The following NFILZ variants were observed in gnomAD, a reference collection of about 807,000 sequenced individuals.
The protein encoded by NFILZ is NFIL3 like basic leucine zipper.
At position 8,679,616 on chromosome 19, in the gene NFILZ, G is replaced by A. The variant is rs1448691407; in HGVS notation, c.*1981G>A. Among the ~76,000 whole-genome samples the A allele has an allele frequency of 6.6e-6, 1 of 152,068 alleles. No individual in the cohort carries two copies. Among genetic ancestry groups the A allele is most frequent in the African/African-American group, 2.4e-5 (1 of 41,398 alleles). On this transcript the variant is annotated 3_prime_UTR_variant, in exon 6 of 6. Coordinates refer to ENST00000691075, the MANE Select transcript of NFILZ (RefSeq NM_001378600.1). ...AGGCCAAGAGCTCCCCTGTGACTGG[G>A]CATCCCTAGAATCCTGCACATCACA...
chr19:8,678,974 G>A lies in NFILZ; in HGVS notation c.*1339G>A, dbSNP rs1555751142. Among the ~76,000 whole-genome samples the A allele has an allele frequency of 6.6e-6, 1 of 152,130 alleles. No homozygotes were observed. Among genetic ancestry groups the A allele is most frequent in the Non-Finnish European group, 1.5e-5 (1 of 68,014 alleles). On this transcript the variant is annotated 3_prime_UTR_variant, in exon 6 of 6. Transcript: ENST00000691075. ...ACTGAAGGAGGAGGTAACGTCTAGG[G>A]TGTCTGAATCCCCCTTCTTGGTGTC...
At position 8,645,970 on chromosome 19, in the gene NFILZ, G is replaced by A. The variant is rs142177946; in HGVS notation, c.-164+10224G>A. Among the ~76,000 whole-genome samples, 649 of 152,300 alleles carry A rather than the reference G, an allele frequency of 4.3e-3. 26 individuals carry two copies. In the East Asian group the frequency reaches 0.096, roughly 22 times the overall value. Reference sequence around the variant, plus strand: ...AAAAGTAACTGGAAAACCACAATTAGTTTTGCACCAACCTAAATAATATGT... The same window carrying A: ...AAAAGTAACTGGAAAACCACAATTAATTTTGCACCAACCTAAATAATATGT... On this transcript the variant is annotated intron_variant, in intron 3 of 5. Transcript: ENST00000691075.
At chr19:8,656,129 C>G (rs1274607969) in intron 3 of NFILZ, among the ~76,000 whole-genome samples, 5 of 152,000 alleles carry the variant, frequency 3.3e-5, no homozygotes, top group African/African-American at 1.2e-4. Flanking sequence ...CTGCAGAACC[C>G]CATGCTGCCT....
At chr19:8,673,976 G>T (rs1568425446) in intron 3 of NFILZ, among the ~76,000 whole-genome samples, 1 of 152,160 alleles carries the variant, frequency 6.6e-6, no homozygotes, top group Non-Finnish European at 1.5e-5. Flanking sequence ...GAATAGCTGG[G>T]ACTACAGGTG....
chr19:8,635,990 C>T (rs965126860), intron 3 of NFILZ, among the ~76,000 whole-genome samples: 116 of 152,126 alleles, frequency 7.6e-4, no homozygotes, highest in Admixed American at 2.0e-3. Flanking sequence ...GTGCGCACCA[C>T]CACACCCAGC....
rs1423579683 is a variant in NFILZ, at chr19:8,680,126, G to A, written c.*2491G>A. Among the ~76,000 whole-genome samples the A allele has an allele frequency of 4.6e-5, 7 of 150,980 alleles. No homozygotes were observed. Among genetic ancestry groups the A allele is most frequent in the Non-Finnish European group, 8.8e-5 (6 of 67,862 alleles). ...CATGAAAATCACTTGAACCCAGGAG[G>A]TGGAGGCTGCAGCGAGCTGAGATTG... On this transcript the variant is annotated 3_prime_UTR_variant, in exon 6 of 6. Transcript: ENST00000691075.
rs2042996580 is a variant in NFILZ at position 8,656,348 on chromosome 19, CCTCTTCCCTGA to C, written c.-163-18202_-163-18192del. 1.2e-4 allele frequency among the ~76,000 whole-genome samples: 16 copies of C among 138,882 alleles called. 1 individual carries two copies. Among genetic ancestry groups the C allele is most frequent in the Admixed American group, 2.8e-4 (4 of 14,138 alleles). The allele number at this position is 138,882 out of a possible 152,430, so 91.1% of individuals were successfully genotyped here. A position where few individuals can be genotyped will look rare whatever the true frequency, so the allele number is the denominator to read the frequency against. ...GAAGCCCCCTTCTTCCTGAAGCCCA[CCTCTTCCCTGA>C]AGCCCACCTTCTCCCTGAAGCCCAC... is the stretch of plus-strand genomic sequence containing the variant. On this transcript the variant is annotated intron_variant, in intron 3 of 5. Coordinates refer to ENST00000691075, the MANE Select transcript of NFILZ (RefSeq NM_001378600.1).
chr19:8,658,683 TC>T (rs2043016061), intron 3 of NFILZ, among the ~76,000 whole-genome samples: 3 of 151,374 alleles, frequency 2.0e-5, no homozygotes, highest in African/African-American at 7.3e-5. Flanking sequence ...ATTCATTCAT[TC>T]ATTCATTCAT....
intron 3 of NFILZ, among the ~76,000 whole-genome samples, chr19:8,653,062 C>T (rs1183513774): frequency 0.026 from 3,133 of 118,288 alleles, 140 homozygotes; most frequent in East Asian, 0.11. Context: ...CTCTCTCTCT[C>T]TCTCTCTCTC....
At chr19:8,662,614 T>G (rs181510605) in intron 3 of NFILZ, among the ~76,000 whole-genome samples, 162 of 151,454 alleles carry the variant, frequency 1.1e-3, no homozygotes, top group African/African-American at 3.7e-3. Context: ...GGTGGAAGGA[T>G]CTTAGATGAA....
intron 3 of NFILZ, among the ~76,000 whole-genome samples, chr19:8,653,038 T>TTCTC (rs1163296485): frequency 2.2e-5 from 2 of 90,594 alleles, no homozygotes; most frequent in African/African-American, 9.4e-5. Flanking sequence ...CTTTCTTTCT[T>TTCTC]TCTCTCTCTC....
chr19:8,646,052 G>T (rs2340540), intron 3 of NFILZ, among the ~76,000 whole-genome samples: 216 of 147,572 alleles, frequency 1.5e-3, no homozygotes, highest in African/African-American at 5.2e-3. Flanking sequence ...TTTTTTTTTG[G>T]GGGGGATGGA....
intron 3 of NFILZ, among the ~76,000 whole-genome samples, chr19:8,656,827 C>T (rs564630302): frequency 1.3e-5 from 2 of 152,256 alleles, no homozygotes; most frequent in African/African-American, 4.8e-5. Context: ...CCTCATGCAC[C>T]AGGGAGGGTC....
intron 3 of NFILZ, among the ~76,000 whole-genome samples, chr19:8,652,838 CTT>C (rs782262296): frequency 1.0e-4 from 15 of 145,558 alleles, no homozygotes; most frequent in Admixed American, 4.2e-4. Context: ...CTCACTTTCT[CTT>C]TCTTTCTTTC....
intron 3 of NFILZ, among the ~76,000 whole-genome samples, chr19:8,637,282 T>C (rs1210843862): frequency 6.6e-6 from 1 of 151,852 alleles, no homozygotes; most frequent in South Asian, 2.1e-4. Context: ...GAGGCAGAGA[T>C]TGTAGTGAGC....
At chr19:8,667,683 G>T (rs990684902) in intron 3 of NFILZ, among the ~76,000 whole-genome samples, 10 of 152,066 alleles carry the variant, frequency 6.6e-5, no homozygotes, top group Non-Finnish European at 1.5e-5. Flanking sequence ...AAGTAGCTGG[G>T]ATTACAGGTG....
intron 3 of NFILZ, among the ~76,000 whole-genome samples, chr19:8,656,895 G>A (rs2043006495): frequency 6.6e-6 from 1 of 152,150 alleles, no homozygotes; most frequent in African/African-American, 2.4e-5. Flanking sequence ...GGGGAGGTGG[G>A]GGAGTCCAGC....
At chr19:8,641,829 C>CTT (rs3040050) in intron 3 of NFILZ, among the ~76,000 whole-genome samples, 1 of 147,762 alleles carries the variant, frequency 6.8e-6, no homozygotes, top group Non-Finnish European at 1.5e-5. Context: ...TAAATGATAG[C>CTT]TTTTTTTTTT....
Position 8,677,984 on chromosome 19 carries a change from C to G in NFILZ, c.*349C>G, listed in dbSNP as rs1438382415. Among the ~76,000 whole-genome samples, 1 of 151,658 alleles carries G rather than the reference C, an allele frequency of 6.6e-6. No individual in the cohort carries two copies. The highest frequency in any genetic ancestry group is 1.5e-5 in the Non-Finnish European group (1 of 67,910). On this transcript the variant is annotated 3_prime_UTR_variant, in exon 6 of 6. Coordinates refer to ENST00000691075, the MANE Select transcript of NFILZ (RefSeq NM_001378600.1). ...TTTATTCATCCATTCATTCATTCAT[C>G]AATCCTTATCCATCCATCCATTAGT...
Sources: allele counts gnomAD v4.1 joint callset (sites outside exome capture counted in the v4.1 genomes callset), GRCh38; gene constraint gnomAD v4.1.1; transcripts MANE v1.5; gene names NCBI Gene and HGNC (gene_info 2026-07-23, HGNC 2026-07-21).